Variants in SMYD4 observed in about 807,000 individuals in gnomAD.
SMYD4 encodes SET and MYND domain containing 4, also known as protein-lysine N-methyltransferase SMYD4.
In SMYD4, 68 loss-of-function variants were observed where a neutral mutation model predicts 72.8. The observed-to-expected ratio is 0.93, with a 90% CI of 0.77 to 1.14. SMYD4 has a LOEUF of 1.14. Ranked by LOEUF, SMYD4 falls within the 50% of genes most tolerant of loss-of-function variation. The pLI is 0.00. For synonymous variants in SMYD4, 407 were observed against 388.6 expected, an observed-to-expected ratio of 1.05 and a Z score of -0.56; for missense variants, 984 against 1,003.7, an observed-to-expected ratio of 0.98 and a Z score of 0.27.
At chr17:1,828,188 A>G (rs1290687705) in intron 1 of SMYD4, among the ~76,000 whole-genome samples, 182 bp from the exon 2 acceptor site, 1 of 152,040 alleles carries the variant, frequency 6.6e-6, no homozygotes, top group Non-Finnish European at 1.5e-5. Context: ...GTCTCTACTA[A>G]AACTACAAAA....
chr17:1,787,024 A>G (rs1014859031), intron 6 of SMYD4, 51 bp from the exon 7 acceptor site: 1 of 1,600,060 alleles, frequency 6.2e-7, no homozygotes, highest in African/African-American at 1.3e-5. Flanking sequence ...AGAGTCAAAC[A>G]CTACGTAAAA....
Position 1,800,113 on chromosome 17 carries a change from G to C in SMYD4, c.1281C>G (p.Asn427Lys), listed in dbSNP as rs531392920. 2.5e-6 allele frequency: 4 copies of C among 1,611,366 alleles called. No individual in the cohort carries two copies. In the African/African-American group the frequency reaches 5.3e-5, roughly 22 times the overall value. Residue 427 changes from asparagine (N) to lysine (K), a missense_variant, in exon 5 of 11, where the codon AAC becomes AAG. Transcript: ENST00000305513. ...TATGGTTTTCAGTGTGGGGCAAAAG[G>C]TTGAAGACAGCATTATAATTATTTT... is the stretch of plus-strand genomic sequence containing the variant. Reference protein sequence around the residue: ...KYENNYNAVFNLLPHTENHSP... With the variant: ...KYENNYNAVFKLLPHTENHSP...
Position 1,799,854 on chromosome 17 carries a change from T to C in SMYD4, c.1537+3A>G, listed in dbSNP as rs760711219. The stretch of plus-strand genomic sequence containing the variant: ...AAAGCAGGAACATCAGGTTCCCTCT[T>C]ACCTGTGTGTTGTATGGTGGTCATC... On this transcript the variant is annotated splice_donor_region_variant and intron_variant, in intron 5 of 10. Coordinates refer to ENST00000305513, the MANE Select transcript of SMYD4 (RefSeq NM_052928.3). The C allele has an allele frequency of 3.8e-6, 6 of 1,575,382 alleles. No individual in the cohort carries two copies. Among genetic ancestry groups the C allele is most frequent in the Admixed American group, 3.5e-5 (2 of 56,350 alleles).
Position 1,781,412 on chromosome 17 carries a change from T to G in SMYD4, c.2289A>C (p.Thr763=), listed in dbSNP as rs1450542363. Residue 763 remains threonine, a synonymous_variant, in exon 11 of 11, where the codon ACA becomes ACC. Coordinates refer to ENST00000305513, the MANE Select transcript of SMYD4 (RefSeq NM_052928.3). ...NGFAVPEALS[T]IQKAEEVLSL... ...ACAGAACCTCCTCAGCTTTCTGTAT[T>G]GTGCTCAGGGCTTCGGGTACTGCAA... is the stretch of plus-strand genomic sequence containing the variant. 3 of 1,613,976 alleles carry G rather than the reference T, an allele frequency of 1.9e-6. No individual in the cohort carries two copies. Among genetic ancestry groups the G allele is most frequent in the Admixed American group, 1.7e-5 (1 of 59,964 alleles).
At chr17:1,805,614 C>A (rs938925818) in intron 3 of SMYD4, among the ~76,000 whole-genome samples, 1 of 151,586 alleles carries the variant, frequency 6.6e-6, no homozygotes, top group Non-Finnish European at 1.5e-5. Flanking sequence ...GAGTTTGAGA[C>A]CTGCCTGGCT....
intron 2 of SMYD4, among the ~76,000 whole-genome samples, chr17:1,820,497 C>T (rs1210014276): frequency 6.6e-6 from 1 of 152,196 alleles, no homozygotes; most frequent in African/African-American, 2.4e-5. Context: ...GCCTAAGCCT[C>T]CCAAAGTGTT....
chr17:1,788,182 TA>T (rs1043384250), intron 5 of SMYD4, among the ~76,000 whole-genome samples: 41 of 145,608 alleles, frequency 2.8e-4, no homozygotes, highest in Non-Finnish European at 2.7e-4. Context: ...ATTTGGTCTC[TA>T]AAAAAAAAAA....
In SMYD4 at chr17:1,799,899, G is replaced by A; in HGVS notation, c.1495C>T (p.Leu499Phe). The A allele has an allele frequency of 6.2e-7, 1 of 1,612,874 alleles. No homozygotes were observed. The highest frequency in any genetic ancestry group is 8.5e-7 in the Non-Finnish European group (1 of 1,179,320). The change falls in exon 5 of 11, where the codon CTT (leucine) becomes TTT (phenylalanine). Residue 499 changes from leucine (L) to phenylalanine (F), a missense_variant. Leu to Phe is a conservative substitution (Grantham distance 22). Transcript: ENST00000305513. ...GTCATCGCCTGAGCGTTACACTGAA[G>A]CTGTAACATGTGTCTCAGCATCGCC... is the stretch of plus-strand genomic sequence containing the variant. ...GVAMLRHMLQ[L>F]QCNAQAMTTI...
chr17:1,813,761 GA>G (rs1910450184), intron 2 of SMYD4, among the ~76,000 whole-genome samples: 2 of 151,962 alleles, frequency 1.3e-5, no homozygotes, highest in African/African-American at 4.8e-5. Context: ...TTCAAACTAA[GA>G]AGTTTAAGAA....
chr17:1,816,152 T>A (rs964744233), intron 2 of SMYD4, among the ~76,000 whole-genome samples: 1 of 152,112 alleles, frequency 6.6e-6, no homozygotes, highest in Non-Finnish European at 1.5e-5. Context: ...CCTCTCCACA[T>A]CCCCTGGCAA....
At position 1,784,388 on chromosome 17, in the gene SMYD4, C is replaced by T. The variant is rs144117066; in HGVS notation, c.1958G>A (p.Arg653Gln). ...SAVSRDHLVS[R>Q]LQDLQQQVRV... ...GACCTGCTGCTGTAGGTCCTGTAAC[C>T]GAGAGACCAGGTGGTCCCTGCTGAC... Residue 653 changes from arginine (R) to glutamine (Q), a missense_variant, in exon 8 of 11, where the codon CGG (arginine) becomes CAG (glutamine). Coordinates refer to ENST00000305513, the MANE Select transcript of SMYD4 (RefSeq NM_052928.3). 159 of 1,614,240 alleles carry T rather than the reference C, an allele frequency of 9.8e-5. No homozygotes were observed. The African/African-American group carries it at 1.6e-3, about 16-fold the overall frequency.
At chr17:1,791,184 T>C (rs1237821571) in intron 5 of SMYD4, among the ~76,000 whole-genome samples, 1 of 148,350 alleles carries the variant, frequency 6.7e-6, no homozygotes, top group East Asian at 2.0e-4. Flanking sequence ...GGGCAGTGAA[T>C]TGATGGGAAG....
chr17:1,803,143 A>AG (rs1909860023), intron 4 of SMYD4, among the ~76,000 whole-genome samples: 1 of 152,176 alleles, frequency 6.6e-6, no homozygotes, highest in African/African-American at 2.4e-5. Flanking sequence ...CACTGTCTCA[A>AG]AAAAACAAAA....
At position 1,800,137 on chromosome 17, in the gene SMYD4, T is replaced by C; in HGVS notation, c.1257A>G (p.Glu419=). 6.2e-7 allele frequency: 1 copy of C among 1,610,630 alleles called. No individual in the cohort carries two copies. Among genetic ancestry groups the C allele is most frequent in the African/African-American group, 1.3e-5 (1 of 74,806 alleles). ...IPGCDINGKY[E]NNYNAVFNLL... ...GGTTGAAGACAGCATTATAATTATT[T>C]TCATACTTCCCATTAATATCGCATC... The change falls in exon 5 of 11, where the codon GAA becomes GAG. Residue 419 remains glutamate, a synonymous_variant. Coordinates refer to ENST00000305513, the MANE Select transcript of SMYD4 (RefSeq NM_052928.3).
chr17:1,789,485 C>T (rs1220847985), intron 5 of SMYD4, among the ~76,000 whole-genome samples: 1 of 148,642 alleles, frequency 6.7e-6, no homozygotes, highest in Non-Finnish European at 1.5e-5. Flanking sequence ...TTTTATAGGC[C>T]AGGTGCAGAG....
At chr17:1,789,701 G>T (rs191242525) in intron 5 of SMYD4, among the ~76,000 whole-genome samples, 1 of 143,634 alleles carries the variant, frequency 7.0e-6, no homozygotes, top group African/African-American at 2.6e-5. Flanking sequence ...GGAGGTGGAG[G>T]TTGCAGTGAG....
rs1246221235 is a variant in SMYD4 at position 1,789,760 on chromosome 17, GTC to G, written c.1538-2158_1538-2157del. On this transcript the variant is annotated intron_variant, in intron 5 of 10. Transcript: ENST00000305513. Reference sequence around the variant, plus strand: ...AGCCTGGGTGAAAGAGCGAGACTCTGTCTCAAAAAAAAAAAAAAAGTTTTATA... The same window carrying G: ...AGCCTGGGTGAAAGAGCGAGACTCTGTCAAAAAAAAAAAAAAAGTTTTATA... Among the ~76,000 whole-genome samples the G allele has an allele frequency of 1.2e-3, 30 of 24,740 alleles. 1 individual carries two copies. Among genetic ancestry groups the G allele is most frequent in the Non-Finnish European group, 4.7e-3 (18 of 3,850 alleles). The allele number at this position is 24,740 out of a possible 152,430, so 16.2% of individuals were successfully genotyped here.
At chr17:1,827,687 G>A (rs1292509084) in intron 2 of SMYD4, among the ~76,000 whole-genome samples, 174 bp downstream of exon 2, 1 of 152,194 alleles carries the variant, frequency 6.6e-6, no homozygotes, top group Non-Finnish European at 1.5e-5. Context: ...TGTACTCCCA[G>A]CACCTTGGGA....
At chr17:1,807,418 GC>G (rs34278953) in intron 3 of SMYD4, among the ~76,000 whole-genome samples, 8 of 147,888 alleles carry the variant, frequency 5.4e-5, no homozygotes, top group East Asian at 4.0e-4. Context: ...TCCGCGTACC[GC>G]CCCCCCCGGC....
Sources: allele counts gnomAD v4.1 joint callset (sites outside exome capture counted in the v4.1 genomes callset), GRCh38; gene constraint gnomAD v4.1.1; transcripts MANE v1.5; gene names NCBI Gene and HGNC (gene_info 2026-07-23, HGNC 2026-07-21).